Variants in A2M observed in about 807,000 individuals in gnomAD.
A2M encodes C3 and PZP-like alpha-2-macroglobulin domain-containing protein 5.
A2M carries 128 observed loss-of-function variants against 183.9 expected under a neutral mutation model. The ratio of observed to expected loss-of-function variants is 0.70; its 90% confidence interval spans 0.60 to 0.81. A2M has a LOEUF of 0.81. Ranked by LOEUF, A2M falls within the 30% of genes least tolerant of loss-of-function variation. The probability of loss-of-function intolerance (pLI) is 0.00; values close to 1 mark genes in which losing one functional copy is unlikely to be tolerated. For missense variants in A2M, 1,495 were observed against 1,787.6 expected (o/e 0.84, Z 2.95); for synonymous variants, 592 against 670.8 (o/e 0.88, Z 1.81).
chr12:9,103,702 C>T (rs370052463), intron 11 of A2M, among the ~76,000 whole-genome samples: 1 of 152,194 alleles, frequency 6.6e-6, no homozygotes, highest in Non-Finnish European at 1.5e-5. Context: ...CTTACCATAA[C>T]GTCCTCAAGG....
At chr12:9,093,890 CTCAA>C (rs1949289133) in intron 17 of A2M, among the ~76,000 whole-genome samples, 1 of 142,536 alleles carries the variant, frequency 7.0e-6, no homozygotes, top group Non-Finnish European at 1.5e-5. Flanking sequence ...GAGACTTCGT[CTCAA>C]ACAAACAAAC....
intron 14 of A2M, among the ~76,000 whole-genome samples, 193 bp from the exon 15 acceptor site, chr12:9,098,949 A>G (rs1334730481): frequency 6.6e-6 from 1 of 152,224 alleles, no homozygotes; most frequent in Admixed American, 6.5e-5. Context: ...CACTTGAGCC[A>G]GTAGAATTAT....
At position 9,109,880 on chromosome 12, in the gene A2M, G is replaced by A. The variant is rs371330544; in HGVS notation, c.660C>T (p.Thr220=). Residue 220 remains threonine, a synonymous_variant, in exon 6 of 36, where the codon ACC becomes ACT. Transcript: ENST00000318602. ...CATGATCCATACCAAATTCCTCCAC[G>A]GTGAAAGGGTGCTCTGTCCTTCCAC... is the stretch of plus-strand genomic sequence containing the variant. ...KSGGRTEHPF[T]VEEFVLPKFE... is the part of the protein sequence containing the mutation. The A allele has an allele frequency of 8.8e-6, 14 of 1,598,570 alleles. No homozygotes were observed. The African/African-American group carries it at 1.5e-4, about 17-fold the overall frequency.
At chr12:9,094,368 T>G (rs1261738736) in intron 17 of A2M, among the ~76,000 whole-genome samples, 1 of 145,490 alleles carries the variant, frequency 6.9e-6, no homozygotes, top group Non-Finnish European at 1.5e-5. Context: ...TATATATATA[T>G]ATATATACCT....
intron 10 of A2M, among the ~76,000 whole-genome samples, chr12:9,105,635 A>G (rs1938227856): frequency 6.6e-6 from 1 of 152,156 alleles, no homozygotes; most frequent in African/African-American, 2.4e-5. Context: ...GTAAGAGAAG[A>G]TTTTTTTGGT....
chr12:9,107,095 T>C (rs1206296206), intron 8 of A2M, among the ~76,000 whole-genome samples: 1 of 152,208 alleles, frequency 6.6e-6, no homozygotes, highest in East Asian at 1.9e-4. Context: ...CAAAGTCTGG[T>C]TCCTCCTCCA....
chr12:9,114,858 C>T (rs1939005410), intron 1 of A2M, among the ~76,000 whole-genome samples: 1 of 151,926 alleles, frequency 6.6e-6, no homozygotes, highest in Admixed American at 6.6e-5. Flanking sequence ...TTCAAAAATA[C>T]TTGTATATAA....
At chr12:9,114,777 T>C (rs2138002007) in intron 1 of A2M, among the ~76,000 whole-genome samples, 1 of 152,278 alleles carries the variant, frequency 6.6e-6, no homozygotes, top group Admixed American at 6.5e-5. Flanking sequence ...AATTTAACTT[T>C]AACTCCTCTT....
intron 11 of A2M, 73 bp from the exon 12 acceptor site, chr12:9,101,747 A>G (rs755139071): frequency 8.2e-7 from 1 of 1,218,710 alleles, no homozygotes; most frequent in South Asian, 1.5e-5. Flanking sequence ...AAAACTACGT[A>G]AGTTTACTGT....
In A2M at chr12:9,076,901, C is replaced by T; in HGVS notation, c.3387G>A (p.Glu1129=). 1 of 1,608,382 alleles carries T rather than the reference C, an allele frequency of 6.2e-7. No individual in the cohort carries two copies. The highest frequency in any genetic ancestry group is 8.5e-7 in the Non-Finnish European group (1 of 1,176,862). ...CTTCTTGTGCTGTCTTCCAGGCTGACTCCAGGCAAAACAGGGCATTGCGGA... is the reference window on the plus strand; with the variant it reads ...CTTCTTGTGCTGTCTTCCAGGCTGATTCCAGGCAAAACAGGGCATTGCGGA... ...PVVRNALFCL[E]SAWKTAQEGD... is the part of the protein sequence containing the mutation. The change falls in exon 28 of 36, where the codon GAG becomes GAA. Residue 1129 remains glutamate, a synonymous_variant. Coordinates refer to ENST00000318602, the MANE Select transcript of A2M (RefSeq NM_000014.6).
At chr12:9,115,939 T>G (rs760843274), upstream of A2M, 1 of 1,041,834 alleles carries the variant, frequency 9.6e-7, no homozygotes, top group East Asian at 2.4e-5. Context: ...CCAAAGCAAC[T>G]GGGCTTTATG....
Position 9,113,335 on chromosome 12 carries a change from T to C in A2M, c.270+25A>G, listed in dbSNP as rs1241054377. The stretch of plus-strand genomic sequence containing the variant: ...TGACCCTGACTAAAAGAACCAAGTA[T>C]ATTAAGTCAAACAGCCACACTCACA... On this transcript the variant is annotated intron_variant, in intron 2 of 35. Coordinates refer to ENST00000318602, the MANE Select transcript of A2M (RefSeq NM_000014.6). 3 of 1,609,864 alleles carry C rather than the reference T, an allele frequency of 1.9e-6. No homozygotes were observed. In the East Asian group the frequency reaches 6.7e-5, roughly 36 times the overall value.
rs1408192374 is a variant in A2M, at chr12:9,101,525, A to G, written c.1416T>C (p.His472=). 1 of 1,613,964 alleles carries G rather than the reference A, an allele frequency of 6.2e-7. No individual in the cohort carries two copies. Residue 472 remains histidine, a synonymous_variant, in exon 12 of 36, where the codon CAT becomes CAC. Coordinates refer to ENST00000318602, the MANE Select transcript of A2M (RefSeq NM_000014.6). ...EPMSHELPCG[H]TQTVQAHYIL... is the part of the protein sequence containing the mutation. Reference sequence around the variant, plus strand: ...TATAATGTGCCTGGACTGTCTGAGTATGGCCACAGGGTAGTTCATGAGACA... The same window carrying G: ...TATAATGTGCCTGGACTGTCTGAGTGTGGCCACAGGGTAGTTCATGAGACA...
chr12:9,113,613 C>CCAT, intron 1 of A2M, 70 bp from the exon 2 acceptor site: 1 of 1,419,454 alleles, frequency 7.0e-7, no homozygotes, highest in Non-Finnish European at 9.8e-7. Flanking sequence ...GCACTTTTTT[C>CCAT]CATCATCATA....
chr12:9,089,902 T>G lies in A2M; in HGVS notation c.2718A>C (p.Glu906Asp). 1 of 1,608,482 alleles carries G rather than the reference T, an allele frequency of 6.2e-7. No homozygotes were observed. The highest frequency in any genetic ancestry group is 8.5e-7 in the Non-Finnish European group (1 of 1,176,154). ...KDTVIKPLLV[E>D]PEGLEKETTF... is the part of the protein sequence containing the mutation. Reference sequence around the variant, plus strand: ...CTATATATTATTTAGGTTTACTTACTTCAACCAACAGAGGCTTGATGACTG... The same window carrying G: ...CTATATATTATTTAGGTTTACTTACGTCAACCAACAGAGGCTTGATGACTG... Residue 906 changes from glutamate (E) to aspartate (D), a missense_variant and splice_region_variant, in exon 21 of 36, where the codon GAA becomes GAC. Glu to Asp is a conservative substitution (Grantham distance 45, BLOSUM62 2). Coordinates refer to ENST00000318602, the MANE Select transcript of A2M (RefSeq NM_000014.6).
intron 11 of A2M, 129 bp from the exon 12 acceptor site, chr12:9,101,803 G>A: frequency 1.3e-6 from 1 of 747,058 alleles, no homozygotes; most frequent in Non-Finnish European, 2.1e-6. Context: ...ACAATGAAAA[G>A]TGGGAGAAGG....
intron 11 of A2M, among the ~76,000 whole-genome samples, chr12:9,103,049 C>A (rs931873531): frequency 1.3e-5 from 2 of 151,972 alleles, no homozygotes; most frequent in South Asian, 4.2e-4. Flanking sequence ...GCATGCTATA[C>A]CGAATAACTT....
chr12:9,072,978 C>T (rs1948625862), intron 29 of A2M, 107 bp from the exon 30 acceptor site: 1 of 778,870 alleles, frequency 1.3e-6, no homozygotes, highest in South Asian at 1.8e-5. Context: ...CTACTTCCCT[C>T]ACTACTTAAA....
In A2M at chr12:9,101,734, C is replaced by T. The variant is rs749663907; in HGVS notation, c.1267-60G>A. The T allele has an allele frequency of 4.5e-6, 6 of 1,338,018 alleles. No homozygotes were observed. The Admixed American group carries it at 6.2e-5, about 14-fold the overall frequency. The allele number at this position is 1,338,018 out of a possible 1,614,324, so 82.9% of individuals were successfully genotyped here. The stretch of plus-strand genomic sequence containing the variant: ...TATACGTCATAAAGATTAATGTTCT[C>T]ACAAAACTACGTAAGTTTACTGTCC... On this transcript the variant is annotated intron_variant, in intron 11 of 35. Transcript: ENST00000318602.
Sources: allele counts gnomAD v4.1 joint callset (sites outside exome capture counted in the v4.1 genomes callset), GRCh38; gene constraint gnomAD v4.1.1; transcripts MANE v1.5; gene names NCBI Gene and HGNC (gene_info 2026-07-23, HGNC 2026-07-21).